Variants in ATG2B observed in about 807,000 individuals in gnomAD.
ATG2B encodes the protein autophagy-related protein 2 homolog B.
A neutral mutation model predicts 241.3 loss-of-function variants in ATG2B; 121 were observed. That is an observed-to-expected ratio of 0.50 (90% CI 0.43 to 0.58). ATG2B has a LOEUF of 0.58. Among genes scored for constraint, ATG2B ranks in the 20% least tolerant of loss-of-function variants. The probability of loss-of-function intolerance (pLI) is 0.00; values close to 1 mark genes in which losing one functional copy is unlikely to be tolerated. For missense variants in ATG2B, 2,306 were observed against 2,491.6 expected (o/e 0.93, Z 1.59); for synonymous variants, 858 against 876.6 (o/e 0.98, Z 0.37).
intron 14 of ATG2B, among the ~76,000 whole-genome samples, chr14:96,327,213 G>A (rs1235999805): frequency 7.3e-6 from 1 of 136,888 alleles, no homozygotes; most frequent in African/African-American, 2.8e-5. Context: ...TGCGGTCTGG[G>A]CAACAGATGT....
rs545401710 is a variant in ATG2B at position 96,339,585 on chromosome 14, A to G, written c.924+1937T>C. 3.0e-4 allele frequency among the ~76,000 whole-genome samples: 46 copies of G among 152,140 alleles called. No individual in the cohort carries two copies. In the South Asian group the frequency reaches 8.7e-3, roughly 29 times the overall value. Reference sequence around the variant, plus strand: ...ATGTCTTTTGCAGCAACTTGGATGGAACTGGAGGCCATTATTCTAAGTTAA... The same window carrying G: ...ATGTCTTTTGCAGCAACTTGGATGGGACTGGAGGCCATTATTCTAAGTTAA... On this transcript the variant is annotated intron_variant, in intron 6 of 41. Transcript: ENST00000359933.
In ATG2B at chr14:96,306,890, G is replaced by A; in HGVS notation, c.4330C>T (p.Gln1444Ter). ...NGVLDEKSQI[Q>*]EPCCSDLFLF... is the part of the protein sequence containing the mutation. The stretch of plus-strand genomic sequence containing the variant: ...AAGAGGTCTGAACAACATGGCTCCT[G>A]AATTTGAGATTTTTCATCCAAAACA... Residue 1444 changes from glutamine (Q) to a stop codon, truncating the protein, a stop_gained, in exon 30 of 42, where the codon CAG (glutamine) becomes TAG (stop). Transcript: ENST00000359933. LOFTEE classifies it high-confidence loss of function. The A allele has an allele frequency of 6.2e-7, 1 of 1,613,210 alleles. No homozygotes were observed.
intron 12 of ATG2B, among the ~76,000 whole-genome samples, 190 bp from the exon 13 acceptor site, chr14:96,328,956 C>A (rs574001463): frequency 6.6e-6 from 1 of 151,954 alleles, no homozygotes; most frequent in South Asian, 2.1e-4. Flanking sequence ...AAAATGTAGG[C>A]GAGGATTCAA....
Position 96,291,677 on chromosome 14 carries a change from C to T in ATG2B, c.5502G>A (p.Thr1834=), listed in dbSNP as rs201721591. 144 of 1,603,072 alleles carry T rather than the reference C, an allele frequency of 9.0e-5. No individual in the cohort carries two copies. Among genetic ancestry groups the T allele is most frequent in the East Asian group, 8.1e-4 (36 of 44,718 alleles). ...HGKHVSMDQG[T]LAGILIGLAQ... ...CCAGACCAATCAAAATCCCAGCTAG[C>T]GTACCCTTCAAAATTAAAAAAGGCC... The change falls in exon 38 of 42, where the codon ACG becomes ACA. Residue 1834 remains threonine (T), a synonymous_variant. Transcript: ENST00000359933.
rs1229718502 is a variant in ATG2B, at chr14:96,284,168, A to G, written c.*1587T>C. 6.6e-6 allele frequency: 1 copy of G among 152,250 alleles called. No homozygotes were observed. Among genetic ancestry groups the G allele is most frequent in the Non-Finnish European group, 1.5e-5 (1 of 68,048 alleles). 9.4% of individuals were successfully genotyped at this position (152,250 alleles called of 1,614,324 possible). A position where few individuals can be genotyped will look rare whatever the true frequency, so the allele number is the denominator to read the frequency against. On this transcript the variant is annotated 3_prime_UTR_variant, in exon 42 of 42. Coordinates refer to ENST00000359933, the MANE Select transcript of ATG2B (RefSeq NM_018036.7). ...GCGGGGTGGTCAGAACGCACCCCAC[A>G]GCCAGAGGCGCCTTCCCGGTAACAC...
At chr14:96,306,234 A>G (rs1252618093) in intron 30 of ATG2B, among the ~76,000 whole-genome samples, 1 of 152,254 alleles carries the variant, frequency 6.6e-6, no homozygotes, top group Non-Finnish European at 1.5e-5. Flanking sequence ...AAATTTAACC[A>G]GAAGGTTCTC....
At chr14:96,313,032 T>C in intron 25 of ATG2B, 33 bp downstream of exon 25, 2 of 1,350,428 alleles carry the variant, frequency 1.5e-6, no homozygotes, top group Non-Finnish European at 2.1e-6. Flanking sequence ...TCGAACAGCT[T>C]TGTTTAGTAT....
At chr14:96,362,497 C>T (rs1212544542) in intron 1 of ATG2B, among the ~76,000 whole-genome samples, 1 of 152,184 alleles carries the variant, frequency 6.6e-6, no homozygotes, top group Non-Finnish European at 1.5e-5. Context: ...CCCCTCACAT[C>T]CCGAGGGACA....
chr14:96,314,721 GAC>G (rs1887257829), intron 23 of ATG2B, among the ~76,000 whole-genome samples: 1 of 151,290 alleles, frequency 6.6e-6, no homozygotes. Context: ...TGTTTTTTGA[GAC>G]AGAGCTTCGC....
chr14:96,290,430 AG>A lies in ATG2B; in HGVS notation c.5856+5del, dbSNP rs771117337. ...TTGGATAGACTAAGGCAGTCTAAAA[AG>A]ATACCTGTATGGTTTGAACCATTCT... On this transcript the variant is annotated splice_donor_5th_base_variant and intron_variant, in intron 40 of 41. Transcript: ENST00000359933. This position sits in a 1 kb window ranked among gnomAD's most constrained non-coding sequence, Gnocchi z 4.4. The A allele has an allele frequency of 2.1e-5, 34 of 1,613,910 alleles. No individual in the cohort carries two copies. The highest frequency in any genetic ancestry group is 2.7e-5 in the Non-Finnish European group (32 of 1,179,868).
At chr14:96,343,091 T>A (rs371294167) in intron 5 of ATG2B, 28 bp downstream of exon 5, 1 of 1,484,008 alleles carries the variant, frequency 6.7e-7, no homozygotes, top group Non-Finnish European at 9.0e-7. Flanking sequence ...TCTATGATTA[T>A]GGTTTTAGGG....
At position 96,311,610 on chromosome 14, in the gene ATG2B, G is replaced by A. The variant is rs772425977; in HGVS notation, c.3922C>T (p.Arg1308Cys). ...VTINLSRDYVRVMDMGLLELT... is the reference protein window; with the variant it reads ...VTINLSRDYVCVMDMGLLELT... The stretch of plus-strand genomic sequence containing the variant: ...TCCAAAAGCCCCATATCCATCACAC[G>A]AACATAATCTAAAATTTTTAAAATT... Residue 1308 changes from arginine to cysteine, a missense_variant, in exon 27 of 42, where the codon CGT becomes TGT. Coordinates refer to ENST00000359933, the MANE Select transcript of ATG2B (RefSeq NM_018036.7). The A allele has an allele frequency of 2.3e-5, 37 of 1,605,128 alleles. No homozygotes were observed. The African/African-American group carries it at 3.3e-4, about 15-fold the overall frequency.
At chr14:96,307,500 A>C (rs1886985328) in intron 29 of ATG2B, among the ~76,000 whole-genome samples, 1 of 152,170 alleles carries the variant, frequency 6.6e-6, no homozygotes, top group Admixed American at 6.5e-5. Flanking sequence ...GTTTCCTCCC[A>C]GTTAGTTGGC....
intron 1 of ATG2B, among the ~76,000 whole-genome samples, chr14:96,356,867 T>G (rs1888489375): frequency 6.6e-6 from 1 of 152,140 alleles, no homozygotes; most frequent in Middle Eastern, 3.2e-3. Flanking sequence ...AAACAGAAAG[T>G]TAGTACCCAA....
intron 21 of ATG2B, among the ~76,000 whole-genome samples, chr14:96,315,933 A>C (rs1467080420): frequency 6.6e-6 from 1 of 152,260 alleles, no homozygotes; most frequent in Non-Finnish European, 1.5e-5. Context: ...AAGAAGAATA[A>C]AGAACATATA....
chr14:96,311,694 C>G (rs370558018), intron 26 of ATG2B, 76 bp from the exon 27 acceptor site: 2 of 864,646 alleles, frequency 2.3e-6, no homozygotes, highest in Non-Finnish European at 3.8e-6. Flanking sequence ...CCCAATACAA[C>G]TAGCATTCCT....
At chr14:96,308,489 G>A (rs1415011876) in intron 29 of ATG2B, among the ~76,000 whole-genome samples, 1 of 140,320 alleles carries the variant, frequency 7.1e-6, no homozygotes, top group African/African-American at 2.7e-5. Context: ...TAATTGGAGA[G>A]ATGGGGTTTC....
chr14:96,310,989 C>A, intron 28 of ATG2B, 128 bp downstream of exon 28: 1 of 809,674 alleles, frequency 1.2e-6, no homozygotes, highest in Admixed American at 3.1e-5. Context: ...CCCCATTATT[C>A]TGAAGGTAAA....
Position 96,343,287 on chromosome 14 carries a change from A to T in ATG2B, c.582-6T>A. 1 of 1,554,858 alleles carries T rather than the reference A, an allele frequency of 6.4e-7. No individual in the cohort carries two copies. The highest frequency in any genetic ancestry group is 8.7e-7 in the Non-Finnish European group (1 of 1,150,992). On this transcript the variant is annotated splice_polypyrimidine_tract_variant and splice_region_variant and intron_variant, in intron 4 of 41. Coordinates refer to ENST00000359933, the MANE Select transcript of ATG2B (RefSeq NM_018036.7). ...TTTCATCACAGTACACAGTTCTGAA[A>T]TTTTTTTAAAAAGCATTTACAAAAA...
Sources: gnomAD v4.1 joint callset for allele counts (sites outside exome capture counted in the v4.1 genomes callset) on GRCh38, gnomAD v4.1.1 for gene constraint, Gnocchi (gnomAD v3.1) non-coding constraint, MANE v1.5 for transcripts, NCBI Gene and HGNC (gene_info 2026-07-23, HGNC 2026-07-21) for gene names.